LSAMP: variants seen among roughly 807,000 people sequenced by gnomAD.
LSAMP encodes the protein limbic system-associated membrane protein.
A neutral mutation model predicts 38.6 loss-of-function variants in LSAMP; 7 were observed. The ratio of observed to expected loss-of-function variants is 0.18; its 90% CI spans 0.10 to 0.34. The LOEUF is 0.34. Ranked by LOEUF, LSAMP falls within the 10% of genes least tolerant of loss-of-function variation. LSAMP has a pLI of 1.00. For missense variants in LSAMP, 313 were observed against 420.0 expected (o/e 0.75, Z 2.23); for synonymous variants, 154 against 166.8 (o/e 0.92, Z 0.59).
intron 1 of LSAMP, among the ~76,000 whole-genome samples, chr3:116,249,666 G>A (rs973694447): frequency 1.3e-5 from 2 of 151,922 alleles, no homozygotes; most frequent in Non-Finnish European, 2.9e-5. Flanking sequence ...TTACAGGTGT[G>A]AGCCACCACA....
intron 1 of LSAMP, among the ~76,000 whole-genome samples, chr3:116,302,314 C>T (rs568029102): frequency 3.3e-5 from 5 of 152,156 alleles, no homozygotes; most frequent in African/African-American, 4.8e-5. Flanking sequence ...GACTCACTGT[C>T]GCTCTGTAAA....
At chr3:115,859,892 A>T (rs929229447) in intron 3 of LSAMP, among the ~76,000 whole-genome samples, 5 of 152,164 alleles carry the variant, frequency 3.3e-5, no homozygotes, top group Non-Finnish European at 4.4e-5. Context: ...ATACTAAACC[A>T]TTACCCCCTA....
intron 3 of LSAMP, among the ~76,000 whole-genome samples, chr3:115,927,224 G>A (rs1258149363): frequency 1.3e-5 from 2 of 152,110 alleles, no homozygotes; most frequent in Non-Finnish European, 2.9e-5. Context: ...AGAATAGATA[G>A]GGCATGGTGA....
chr3:115,873,310 G>A (rs1042500975), intron 3 of LSAMP, among the ~76,000 whole-genome samples: 1 of 151,724 alleles, frequency 6.6e-6, no homozygotes, highest in South Asian at 2.1e-4. Context: ...TTGAACCTGG[G>A]AGGTGGAAGT....
intron 1 of LSAMP, among the ~76,000 whole-genome samples, chr3:116,186,092 A>G: frequency 6.6e-6 from 1 of 152,130 alleles, no homozygotes; most frequent in East Asian, 1.9e-4. Flanking sequence ...GACATGTGAC[A>G]GCATCAAAGA....
chr3:115,993,146 A>C (rs1939720323), intron 3 of LSAMP, among the ~76,000 whole-genome samples: 1 of 152,120 alleles, frequency 6.6e-6, no homozygotes, highest in Admixed American at 6.6e-5. Context: ...AATGTTTATA[A>C]AGCACAGAGA....
At chr3:115,975,440 T>C (rs1442862869) in intron 3 of LSAMP, among the ~76,000 whole-genome samples, 1 of 152,140 alleles carries the variant, frequency 6.6e-6, no homozygotes, top group Non-Finnish European at 1.5e-5. Flanking sequence ...AGCTTTGGGG[T>C]GTTCTTGCAG....
intron 3 of LSAMP, among the ~76,000 whole-genome samples, chr3:115,987,338 C>T (rs984974854): frequency 5.9e-5 from 9 of 152,136 alleles, no homozygotes; most frequent in African/African-American, 2.2e-4. Context: ...TTTCCCTCTT[C>T]CCCCTTCACA....
Position 116,257,230 on chromosome 3 carries a change from G to T in LSAMP, c.156-170674C>A, listed in dbSNP as rs1404891709. Among the ~76,000 whole-genome samples the T allele has an allele frequency of 3.3e-5, 5 of 152,166 alleles. No homozygotes were observed. The East Asian group carries it at 9.6e-4, about 29-fold the overall frequency. On this transcript the variant is annotated intron_variant, in intron 1 of 6. Transcript: ENST00000490035. ...GAAATTTTACTGACTAATGTAATTG[G>T]TAACACATTTACAAATGGAGTATGC... is the stretch of plus-strand genomic sequence containing the variant.
intron 1 of LSAMP, among the ~76,000 whole-genome samples, chr3:116,418,890 A>G (rs2049086360): frequency 6.6e-6 from 1 of 152,180 alleles, no homozygotes; most frequent in South Asian, 2.1e-4. Flanking sequence ...GGTCACATTC[A>G]TACTATGCTT....
intron 1 of LSAMP, among the ~76,000 whole-genome samples, chr3:116,314,055 T>G (rs2047596972): frequency 6.6e-6 from 1 of 152,228 alleles, no homozygotes; most frequent in South Asian, 2.1e-4. Flanking sequence ...AGAATGCAGT[T>G]ACTATTTTAC....
chr3:116,095,295 G>C (rs1431908241), intron 1 of LSAMP, among the ~76,000 whole-genome samples: 1 of 152,188 alleles, frequency 6.6e-6, no homozygotes, highest in African/African-American at 2.4e-5. Context: ...GACAAGCTGC[G>C]CAATTTCTGG....
intron 1 of LSAMP, among the ~76,000 whole-genome samples, chr3:116,340,111 A>G (rs554803006): frequency 3.9e-4 from 59 of 152,198 alleles, no homozygotes; most frequent in Non-Finnish European, 8.5e-4. Flanking sequence ...CTGTCACTCA[A>G]TTATCCCTAT....
chr3:116,095,754 G>A (rs1708213272), intron 1 of LSAMP, among the ~76,000 whole-genome samples: 1 of 152,162 alleles, frequency 6.6e-6, no homozygotes. Flanking sequence ...AGCTCTTCTA[G>A]GATCTTTCCA....
chr3:115,986,616 A>C (rs1357852052), intron 3 of LSAMP, among the ~76,000 whole-genome samples: 1 of 151,814 alleles, frequency 6.6e-6, no homozygotes, highest in Non-Finnish European at 1.5e-5. Flanking sequence ...CCAAATACCC[A>C]CTTCAGATGT....
chr3:115,842,621 T>G, intron 4 of LSAMP, 43 bp from the exon 5 acceptor site: 1 of 1,606,032 alleles, frequency 6.2e-7, no homozygotes, highest in South Asian at 1.1e-5. Context: ...AGGGTCGGGG[T>G]GCTTAGAATT....
At chr3:116,179,702 A>G (rs181830747) in intron 1 of LSAMP, among the ~76,000 whole-genome samples, 1 of 152,148 alleles carries the variant, frequency 6.6e-6, no homozygotes, top group Admixed American at 6.5e-5. Flanking sequence ...TCATGAGAAC[A>G]GCAAGGGGAA....
chr3:116,244,628 T>C (rs898844816), intron 1 of LSAMP, among the ~76,000 whole-genome samples: 9 of 152,218 alleles, frequency 5.9e-5, no homozygotes, highest in African/African-American at 1.9e-4. Flanking sequence ...GCATCTTGTA[T>C]TAATAATCCA....
At chr3:116,208,456 C>G (rs2107602733) in intron 1 of LSAMP, among the ~76,000 whole-genome samples, 1 of 152,322 alleles carries the variant, frequency 6.6e-6, no homozygotes, top group Middle Eastern at 3.4e-3. Context: ...AACTGCATTC[C>G]TTTGGAGGAG....
Sources: allele counts gnomAD v4.1 joint callset (sites outside exome capture counted in the v4.1 genomes callset), GRCh38; gene constraint gnomAD v4.1.1; transcripts MANE v1.5; gene names NCBI Gene and HGNC (gene_info 2026-07-23, HGNC 2026-07-21).